Variants in CD44 observed in about 807,000 individuals in gnomAD.
CD44 encodes CD44 antigen.
A neutral mutation model predicts 88.8 loss-of-function variants in CD44; 49 were observed. That is an observed-to-expected ratio of 0.55 (90% CI 0.44 to 0.70). The LOEUF (loss-of-function observed/expected upper bound fraction) is 0.70, where lower values mean the gene tolerates loss of function less well. Among genes scored for constraint, CD44 ranks in the 30% least tolerant of loss-of-function variants. CD44 has a pLI of 0.00. For synonymous variants in CD44, 325 were observed against 312.3 expected, an observed-to-expected ratio of 1.04 and a Z score of -0.43; for missense variants, 883 against 913.8, an observed-to-expected ratio of 0.97 and a Z score of 0.43.
chr11:35,207,464 T>C (rs1266995884), intron 11 of CD44, among the ~76,000 whole-genome samples: 1 of 152,236 alleles, frequency 6.6e-6, no homozygotes, highest in East Asian at 1.9e-4. Flanking sequence ...CATTTACAAG[T>C]ATTTCAGTGA....
intron 1 of CD44, among the ~76,000 whole-genome samples, chr11:35,154,422 T>G (rs528264631): frequency 6.6e-6 from 1 of 152,106 alleles, no homozygotes; most frequent in East Asian, 1.9e-4. Context: ...GAGACAAGAG[T>G]AGACTTTTTC....
At chr11:35,189,738 C>T (rs1259630589) in intron 4 of CD44, 97 bp from the exon 5 acceptor site, 1 of 824,854 alleles carries the variant, frequency 1.2e-6, no homozygotes, top group East Asian at 2.7e-5. Flanking sequence ...TTTCTCATTA[C>T]AAAGGAAAAT....
chr11:35,164,207 A>G (rs1343069338), intron 1 of CD44, among the ~76,000 whole-genome samples: 2 of 151,998 alleles, frequency 1.3e-5, no homozygotes, highest in African/African-American at 2.4e-5. Flanking sequence ...AGAGAGGCAC[A>G]GCTTTGGTAA....
intron 1 of CD44, among the ~76,000 whole-genome samples, chr11:35,155,926 G>A (rs1421380812): frequency 6.6e-6 from 1 of 152,134 alleles, no homozygotes; most frequent in Non-Finnish European, 1.5e-5. Flanking sequence ...ATCGTGGTTG[G>A]CATTACTGGC....
chr11:35,181,886 C>CATATA (rs571884198), intron 3 of CD44, among the ~76,000 whole-genome samples: 1 of 53,816 alleles, frequency 1.9e-5, no homozygotes, highest in African/African-American at 8.1e-5. Context: ...ATATATAATT[C>CATATA]TATATATAAT....
chr11:35,186,802 G>T (rs772778445), intron 3 of CD44, 30 bp from the exon 4 acceptor site: 1 of 1,337,986 alleles, frequency 7.5e-7, no homozygotes, highest in Non-Finnish European at 1.1e-6. Flanking sequence ...GTTTTTAAAG[G>T]GTTCTCATCC....
chr11:35,190,581 AT>A (rs143746196), intron 5 of CD44, among the ~76,000 whole-genome samples: 2,743 of 152,362 alleles, frequency 0.018, 34 homozygotes, highest in Non-Finnish European at 0.028. Context: ...TAGGATATAA[AT>A]AACTCCCACA....
Position 35,201,656 on chromosome 11 carries a change from C to T in CD44, c.1037-15C>T. 2 of 1,613,212 alleles carry T rather than the reference C, an allele frequency of 1.2e-6. No homozygotes were observed. Among genetic ancestry groups the T allele is most frequent in the Non-Finnish European group, 1.7e-6 (2 of 1,179,374 alleles). On this transcript the variant is annotated splice_polypyrimidine_tract_variant and intron_variant, in intron 8 of 17. Transcript: ENST00000428726. ...TGATAACAAGTCACAGTGTATTTAA[C>T]CATCATCACAGCAGATGTAGACAGA...
intron 16 of CD44, among the ~76,000 whole-genome samples, chr11:35,220,297 T>C (rs1044487103): frequency 7.2e-5 from 11 of 152,112 alleles, no homozygotes; most frequent in Admixed American, 5.2e-4. Flanking sequence ...GCAGGTGGGA[T>C]ATCTCAGGGC....
chr11:35,228,977 T>G (rs1181409014), intron 17 of CD44, 152 bp from the exon 18 acceptor site: 2 of 632,932 alleles, frequency 3.2e-6, no homozygotes, highest in African/African-American at 1.8e-5. Flanking sequence ...TGTTAGTTGT[T>G]AAAGTAGAGA....
Position 35,211,441 on chromosome 11 carries a change from C to T in CD44, c.1802C>T (p.Ser601Phe), listed in dbSNP as rs746984216. ...GATTCCAACTCTAATGTCAATCGTT[C>T]CTTATCAGGTAATTTGGCATTTATT... ...VGDSNSNVNR[S>F]LSGDQDTFHP... The change falls in exon 14 of 18, where the codon TCC (serine) becomes TTC (phenylalanine). Residue 601 changes from serine to phenylalanine, a missense_variant. Physicochemically the swap from Ser to Phe is radical, Grantham distance 155. Transcript: ENST00000428726. The T allele has an allele frequency of 6.2e-7, 1 of 1,612,520 alleles. No individual in the cohort carries two copies. The highest frequency in any genetic ancestry group is 1.7e-5 in the Admixed American group (1 of 59,982).
intron 1 of CD44, 34 bp from the exon 2 acceptor site, chr11:35,176,541 C>T: frequency 6.3e-7 from 1 of 1,584,416 alleles, no homozygotes; most frequent in Non-Finnish European, 8.6e-7. Context: ...ATTATTTATG[C>T]AAAAGAATCT....
chr11:35,197,719 CAAAAAAA>C (rs550761818), intron 6 of CD44: 2 of 81,122 alleles, frequency 2.5e-5, no homozygotes, highest in Admixed American at 1.3e-4. Context: ...GTGTCTTGAC[CAAAAAAA>C]AAAAAAAAAA....
At chr11:35,216,587 T>G (rs1289286949) in intron 15 of CD44, among the ~76,000 whole-genome samples, 2 of 152,214 alleles carry the variant, frequency 1.3e-5, no homozygotes, top group East Asian at 3.8e-4. Context: ...GGCAGGGCAC[T>G]TAACCTTTCC....
At chr11:35,196,968 C>A in intron 6 of CD44, 94 bp downstream of exon 6, 1 of 1,331,290 alleles carries the variant, frequency 7.5e-7, no homozygotes, top group South Asian at 1.3e-5. Flanking sequence ...CCTAACGTTC[C>A]TTCTATTCTC....
chr11:35,181,013 A>C (rs891902682), intron 3 of CD44, among the ~76,000 whole-genome samples: 11 of 152,224 alleles, frequency 7.2e-5, no homozygotes, highest in Non-Finnish European at 2.9e-5. Context: ...CCAAGGAATA[A>C]AGTCAGAGAG....
intron 17 of CD44, among the ~76,000 whole-genome samples, chr11:35,225,856 CAG>C (rs893837815): frequency 4.6e-5 from 7 of 152,002 alleles, no homozygotes; most frequent in Non-Finnish European, 8.8e-5. Flanking sequence ...CAAACAAAAA[CAG>C]AAAATCCAAG....
intron 7 of CD44, among the ~76,000 whole-genome samples, chr11:35,199,562 A>T (rs1428736377): frequency 6.6e-6 from 1 of 152,212 alleles, no homozygotes; most frequent in Non-Finnish European, 1.5e-5. Flanking sequence ...AGAAAAAAAA[A>T]TAGCTTAGGC....
At chr11:35,183,338 C>CA (rs5791038) in intron 3 of CD44, among the ~76,000 whole-genome samples, 59,644 of 126,384 alleles carry the variant, frequency 0.47, 11,836 homozygotes, top group Admixed American at 0.53. Context: ...AGCAATGAGA[C>CA]AAAAAAAAAA....
Sources: gnomAD v4.1 joint callset for allele counts (sites outside exome capture counted in the v4.1 genomes callset) on GRCh38, gnomAD v4.1.1 for gene constraint, MANE v1.5 for transcripts, NCBI Gene and HGNC (gene_info 2026-07-23, HGNC 2026-07-21) for gene names.